The following DPP10 variants were observed in gnomAD, a reference collection of about 807,000 sequenced individuals.
DPP10 encodes the protein dipeptidyl peptidase like 10.
DPP10 carries 33 observed loss-of-function variants against 120.9 expected under a neutral mutation model. The observed-to-expected ratio is 0.27, with a 90% CI of 0.21 to 0.37. DPP10 has a LOEUF of 0.37. Among genes scored for constraint, DPP10 ranks in the 10% least tolerant of loss-of-function variants. The pLI is 1.00. For missense variants in DPP10, 816 were observed against 942.8 expected, an observed-to-expected ratio of 0.87 and a Z score of 1.76; for synonymous variants, 337 against 326.1, an observed-to-expected ratio of 1.03 and a Z score of -0.36.
Position 115,842,574 on chromosome 2 carries a change from T to C in DPP10, c.*229T>C, listed in dbSNP as rs1287105617. The C allele has an allele frequency of 2.6e-6, 1 of 377,630 alleles. No individual in the cohort carries two copies. The highest frequency in any genetic ancestry group is 4.6e-6 in the Non-Finnish European group (1 of 216,830). The allele number at this position is 377,630 out of a possible 1,614,324, so 23.4% of individuals were successfully genotyped here. Reference sequence around the variant, plus strand: ...TGTATGAGAGAGGTCAAAGGGTTGGTTTCCTGGGAGAAATTAGTTTTGCAT... The same window carrying C: ...TGTATGAGAGAGGTCAAAGGGTTGGCTTCCTGGGAGAAATTAGTTTTGCAT... On this transcript the variant is annotated 3_prime_UTR_variant, in exon 26 of 26. Coordinates refer to ENST00000410059, the MANE Select transcript of DPP10 (RefSeq NM_020868.6).
intron 1 of DPP10, among the ~76,000 whole-genome samples, chr2:114,778,256 A>C (rs1045323702): frequency 6.6e-6 from 1 of 152,158 alleles, no homozygotes; most frequent in Non-Finnish European, 1.5e-5. Flanking sequence ...TTATTTCAAA[A>C]TGCAAGTTAC....
intron 1 of DPP10, among the ~76,000 whole-genome samples, chr2:114,943,145 C>G (rs959422034): frequency 6.6e-6 from 1 of 152,072 alleles, no homozygotes; most frequent in Non-Finnish European, 1.5e-5. Flanking sequence ...TGAGAACATG[C>G]GGTGTTTGGT....
chr2:114,544,158 C>G (rs1226029027), intron 1 of DPP10, among the ~76,000 whole-genome samples: 1 of 152,028 alleles, frequency 6.6e-6, no homozygotes, highest in East Asian at 1.9e-4. Context: ...AAAAGTAGAA[C>G]AGGGTAAAGA....
intron 1 of DPP10, among the ~76,000 whole-genome samples, chr2:114,956,462 G>T (rs376202127): frequency 1.9e-4 from 29 of 151,828 alleles, no homozygotes; most frequent in East Asian, 5.8e-4. Flanking sequence ...ACAAATAAAT[G>T]GAAAGATATC....
At chr2:115,730,148 G>A (rs1028814814) in intron 8 of DPP10, among the ~76,000 whole-genome samples, 1 of 152,152 alleles carries the variant, frequency 6.6e-6, no homozygotes, top group African/African-American at 2.4e-5. Context: ...GCAGGAACCT[G>A]GGGTCTAAGA....
At chr2:114,481,939 A>AG (rs1252454006) in intron 1 of DPP10, among the ~76,000 whole-genome samples, 1 of 142,234 alleles carries the variant, frequency 7.0e-6, no homozygotes, top group Non-Finnish European at 1.5e-5. Context: ...GAAAGAGAAG[A>AG]AGGAGAAGAG....
intron 1 of DPP10, among the ~76,000 whole-genome samples, chr2:114,925,716 C>T (rs565548226): frequency 6.6e-6 from 1 of 152,126 alleles, no homozygotes. Context: ...ACTATCTCCC[C>T]GAGAGCCCTG....
intron 1 of DPP10, among the ~76,000 whole-genome samples, chr2:115,123,003 C>T (rs1349856951): frequency 6.6e-6 from 1 of 152,168 alleles, no homozygotes; most frequent in Non-Finnish European, 1.5e-5. Flanking sequence ...AGGGGTTGTA[C>T]GCCCTCAGCC....
intron 13 of DPP10, among the ~76,000 whole-genome samples, 172 bp from the exon 14 acceptor site, chr2:115,777,036 C>CT (rs1452462919): frequency 3.9e-5 from 6 of 152,004 alleles, no homozygotes; most frequent in Non-Finnish European, 8.8e-5. Context: ...ACCTACCTGC[C>CT]TTGATCTGTG....
At chr2:114,571,960 T>C (rs1689689187) in intron 1 of DPP10, among the ~76,000 whole-genome samples, 1 of 148,806 alleles carries the variant, frequency 6.7e-6, no homozygotes, top group African/African-American at 2.4e-5. Context: ...ACTACATATA[T>C]TGTGTATATA....
chr2:114,487,483 G>C (rs1414821184), intron 1 of DPP10, among the ~76,000 whole-genome samples: 2 of 152,092 alleles, frequency 1.3e-5, no homozygotes, highest in Non-Finnish European at 2.9e-5. Context: ...TAAGCATAAA[G>C]TTCTCAACAG....
chr2:115,640,264 A>C (rs913474742), intron 5 of DPP10, among the ~76,000 whole-genome samples: 2 of 152,028 alleles, frequency 1.3e-5, no homozygotes, highest in Admixed American at 1.3e-4. Context: ...CAAATAAAAG[A>C]ACTAGTAATG....
At chr2:115,679,147 T>C (rs4383343) in intron 5 of DPP10, among the ~76,000 whole-genome samples, 149,570 of 152,148 alleles carry the variant, frequency 0.98, 73,565 homozygotes, top group Middle Eastern at 1. Context: ...CTTTGGAGGA[T>C]TGTTGGAAGG....
chr2:115,356,059 G>A (rs1376393589), intron 3 of DPP10, among the ~76,000 whole-genome samples: 1 of 152,104 alleles, frequency 6.6e-6, no homozygotes, highest in African/African-American at 2.4e-5. Context: ...GATTCCATAT[G>A]AAATTTAAAG....
chr2:115,448,756 A>G (rs1258353033), intron 3 of DPP10, among the ~76,000 whole-genome samples: 20 of 152,142 alleles, frequency 1.3e-4, no homozygotes, highest in Non-Finnish European at 2.1e-4. Context: ...TAAATTATAA[A>G]ATGCTATTCC....
At chr2:114,535,315 C>T (rs1686390451) in intron 1 of DPP10, among the ~76,000 whole-genome samples, 1 of 152,122 alleles carries the variant, frequency 6.6e-6, no homozygotes, top group Admixed American at 6.5e-5. Context: ...TTTAGATACC[C>T]TTTCCTTATT....
chr2:115,514,908 A>G (rs942178474), intron 4 of DPP10, among the ~76,000 whole-genome samples: 2 of 151,864 alleles, frequency 1.3e-5, no homozygotes, highest in Non-Finnish European at 1.5e-5. Flanking sequence ...GTTTGTATAT[A>G]TCTTCATGGA....
At chr2:115,176,562 C>T (rs1483890481) in intron 1 of DPP10, among the ~76,000 whole-genome samples, 1 of 151,956 alleles carries the variant, frequency 6.6e-6, no homozygotes, top group African/African-American at 2.4e-5. Flanking sequence ...AACTTCTTTC[C>T]TGTTATTAAG....
intron 2 of DPP10, among the ~76,000 whole-genome samples, chr2:115,326,434 T>C (rs895620864): frequency 2.0e-5 from 3 of 152,086 alleles, no homozygotes; most frequent in African/African-American, 7.2e-5. Context: ...GACTACTACA[T>C]TACTGGATTA....
Sources: gnomAD v4.1 joint callset for allele counts (sites outside exome capture counted in the v4.1 genomes callset) on GRCh38, gnomAD v4.1.1 for gene constraint, MANE v1.5 for transcripts, NCBI Gene and HGNC (gene_info 2026-07-23, HGNC 2026-07-21) for gene names.